PTER: variants seen among roughly 807,000 people sequenced by gnomAD.
The protein encoded by PTER is phosphotriesterase related, also known as N-acetyltaurine hydrolase.
In PTER, 38 loss-of-function variants were observed where a neutral mutation model predicts 29.6. The observed-to-expected ratio is 1.28, with a 90% CI of 0.99 to 1.68. The LOEUF is 1.68. PTER is among the 40% of genes most tolerant of loss of function. PTER has a pLI of 0.00. For synonymous variants in PTER, 172 were observed against 154.5 expected (o/e 1.11, Z -0.84); for missense variants, 482 against 427.8 (o/e 1.13, Z -1.12).
intron 1 of PTER, among the ~76,000 whole-genome samples, chr10:16,466,300 CTTT>C (rs11308230): frequency 1.2e-4 from 18 of 146,372 alleles, no homozygotes; most frequent in Middle Eastern, 3.5e-3. Context: ...TTATAACTAC[CTTT>C]TTTTTTTTTT....
chr10:16,438,088 C>T (rs557748018), intron 1 of PTER, among the ~76,000 whole-genome samples: 95 of 152,290 alleles, frequency 6.2e-4, no homozygotes, highest in Non-Finnish European at 4.9e-4. Flanking sequence ...TCACTGCAAC[C>T]TCCGCCTCCC....
chr10:16,442,540 C>A (rs967375312), intron 1 of PTER, among the ~76,000 whole-genome samples: 2 of 152,154 alleles, frequency 1.3e-5, no homozygotes, highest in African/African-American at 4.8e-5. Context: ...GAGGCCAAGG[C>A]GGGAGGATTG....
intron 3 of PTER, among the ~76,000 whole-genome samples, chr10:16,502,549 A>G (rs1836392145): frequency 6.6e-6 from 1 of 152,116 alleles, no homozygotes; most frequent in African/African-American, 2.4e-5. Context: ...AGTTATGCTA[A>G]TTTGGTGAAT....
At chr10:16,458,428 T>C (rs1028319954) in intron 1 of PTER, among the ~76,000 whole-genome samples, 4 of 152,208 alleles carry the variant, frequency 2.6e-5, no homozygotes, top group Admixed American at 6.5e-5. Context: ...GCGATTACCA[T>C]AGGAAACTAC....
At chr10:16,487,072 C>A (rs956860600) in intron 3 of PTER, among the ~76,000 whole-genome samples, 4 of 152,136 alleles carry the variant, frequency 2.6e-5, no homozygotes, top group African/African-American at 9.7e-5. Flanking sequence ...TAAATGTTCA[C>A]ATTTGTGTCA....
At chr10:16,476,428 T>C (rs532165727) in intron 1 of PTER, among the ~76,000 whole-genome samples, 4 of 152,246 alleles carry the variant, frequency 2.6e-5, no homozygotes, top group South Asian at 2.1e-4. Context: ...TTTACTTGCT[T>C]TTTATTTCAA....
intron 1 of PTER, among the ~76,000 whole-genome samples, chr10:16,450,703 G>A (rs1219016232): frequency 6.7e-6 from 1 of 149,842 alleles, no homozygotes; most frequent in Non-Finnish European, 1.5e-5. Context: ...GGCTCAGTAT[G>A]TGCTTCTGGA....
At chr10:16,441,738 A>G (rs991811199) in intron 1 of PTER, among the ~76,000 whole-genome samples, 7 of 152,288 alleles carry the variant, frequency 4.6e-5, no homozygotes, top group African/African-American at 1.7e-4. Flanking sequence ...AAGATCTTCT[A>G]TTGTCAGCTG....
chr10:16,440,364 T>C (rs969219184), intron 1 of PTER, among the ~76,000 whole-genome samples: 3 of 151,968 alleles, frequency 2.0e-5, no homozygotes, highest in South Asian at 2.1e-4. Flanking sequence ...AATAACACTT[T>C]TATAACAAAA....
chr10:16,447,305 C>G (rs1027291738), intron 1 of PTER, among the ~76,000 whole-genome samples: 2 of 151,348 alleles, frequency 1.3e-5, no homozygotes, highest in African/African-American at 4.9e-5. Context: ...CACTGTGTTG[C>G]TCAGGTCAAT....
chr10:16,509,054 G>A (rs919612573), intron 4 of PTER, among the ~76,000 whole-genome samples: 1 of 152,134 alleles, frequency 6.6e-6, no homozygotes, highest in African/African-American at 2.4e-5. Flanking sequence ...TTCACACTTT[G>A]TAGTCTCTCT....
chr10:16,498,538 G>A (rs769354010), intron 3 of PTER, among the ~76,000 whole-genome samples: 14 of 152,180 alleles, frequency 9.2e-5, no homozygotes, highest in Admixed American at 2.6e-4. Flanking sequence ...AGCCAAGATC[G>A]CGCCACTGCA....
intron 1 of PTER, among the ~76,000 whole-genome samples, chr10:16,474,504 T>C (rs1040155883): frequency 6.6e-6 from 1 of 152,186 alleles, no homozygotes; most frequent in African/African-American, 2.4e-5. Context: ...CGTTAGTCTC[T>C]ATATTTTGAA....
At position 16,506,869 on chromosome 10, in the gene PTER, C is replaced by T. The variant is rs185952896; in HGVS notation, c.839+1709C>T. 1.9e-3 allele frequency among the ~76,000 whole-genome samples: 287 copies of T among 152,038 alleles called. 1 individual carries two copies. Among genetic ancestry groups the T allele is most frequent in the Non-Finnish European group, 3.5e-4 (24 of 67,978 alleles). On this transcript the variant is annotated intron_variant, in intron 4 of 4. Transcript: ENST00000535784. ...GATCTTGACATGGATGTGTTATGTG[C>T]GAGACCTAGTTGAGTCTAGAAATCA... is the stretch of plus-strand genomic sequence containing the variant.
intron 1 of PTER, among the ~76,000 whole-genome samples, chr10:16,461,422 T>C (rs1454517362): frequency 1.3e-5 from 2 of 152,108 alleles, no homozygotes; most frequent in Non-Finnish European, 2.9e-5. Flanking sequence ...CGCTAGAGAA[T>C]TTAGAATTCA....
intron 3 of PTER, among the ~76,000 whole-genome samples, chr10:16,494,302 C>T (rs1280339333): frequency 6.6e-6 from 1 of 152,132 alleles, no homozygotes; most frequent in East Asian, 1.9e-4. Flanking sequence ...GGGTTTTTCT[C>T]TCTTGCAGCC....
chr10:16,479,941 A>G (rs1006590324), intron 1 of PTER, among the ~76,000 whole-genome samples: 1 of 151,156 alleles, frequency 6.6e-6, no homozygotes, highest in Non-Finnish European at 1.5e-5. Context: ...CAGAGCCACC[A>G]AACTATTAGG....
chr10:16,481,917 A>G (rs768985078), intron 1 of PTER, among the ~76,000 whole-genome samples: 2 of 152,122 alleles, frequency 1.3e-5, no homozygotes, highest in Non-Finnish European at 2.9e-5. Context: ...GAAGGCATGA[A>G]CTACACACTC....
intron 4 of PTER, among the ~76,000 whole-genome samples, chr10:16,510,517 C>A (rs1226932563): frequency 6.6e-6 from 1 of 152,156 alleles, no homozygotes; most frequent in Non-Finnish European, 1.5e-5. Flanking sequence ...ATCAAATGCC[C>A]CTCACTTGCA....
Sources: allele counts gnomAD v4.1 joint callset (sites outside exome capture counted in the v4.1 genomes callset), GRCh38; gene constraint gnomAD v4.1.1; transcripts MANE v1.5; gene names NCBI Gene and HGNC (gene_info 2026-07-23, HGNC 2026-07-21).